Variants in ADAMTS19 observed in about 807,000 individuals in gnomAD.
The protein encoded by ADAMTS19 is ADAM metallopeptidase with thrombospondin type 1 motif 19, also known as A disintegrin and metalloproteinase with thrombospondin motifs 19.
ADAMTS19 carries 93 observed loss-of-function variants against 153.3 expected under a neutral mutation model. The ratio of observed to expected loss-of-function variants is 0.61; its 90% confidence interval spans 0.51 to 0.72. The LOEUF (loss-of-function observed/expected upper bound fraction) is 0.72. ADAMTS19 is among the 30% of genes least tolerant of loss of function. The pLI, the probability that ADAMTS19 is intolerant of heterozygous loss-of-function variation, is 0.00. For synonymous variants in ADAMTS19, 600 were observed against 556.6 expected (o/e 1.08, Z -1.10); for missense variants, 1,482 against 1,552.1 (o/e 0.95, Z 0.76).
At chr5:129,682,434 C>A (rs562656474) in intron 17 of ADAMTS19, among the ~76,000 whole-genome samples, 18 of 152,106 alleles carry the variant, frequency 1.2e-4, no homozygotes, top group Admixed American at 3.9e-4. Flanking sequence ...GGTTTTGTAG[C>A]CAATGTCTCT....
At position 129,643,963 on chromosome 5, in the gene ADAMTS19, A is replaced by G. The variant is rs574435264; in HGVS notation, c.1872+2003A>G. Among the ~76,000 whole-genome samples, 18 of 152,306 alleles carry G rather than the reference A, an allele frequency of 1.2e-4. No individual in the cohort carries two copies. The South Asian group carries it at 3.7e-3, about 32-fold the overall frequency. Reference sequence around the variant, plus strand: ...AACATACTGCGATGAGCCCTCAAACATCACATAGCTTGTTTGTCTTTAGTT... The same window carrying G: ...AACATACTGCGATGAGCCCTCAAACGTCACATAGCTTGTTTGTCTTTAGTT... On this transcript the variant is annotated intron_variant, in intron 11 of 22. Transcript: ENST00000274487.
chr5:129,706,406 C>A (rs966903741), intron 21 of ADAMTS19, among the ~76,000 whole-genome samples: 2 of 152,016 alleles, frequency 1.3e-5, no homozygotes, highest in African/African-American at 4.8e-5. Context: ...CCCGTCTCTA[C>A]TGAAAATACA....
intron 21 of ADAMTS19, among the ~76,000 whole-genome samples, chr5:129,722,687 T>C (rs1054911150): frequency 6.6e-6 from 1 of 152,224 alleles, no homozygotes; most frequent in African/African-American, 2.4e-5. Context: ...ATGTCCTGAA[T>C]GATATTGCCT....
rs77271574 is a variant in ADAMTS19 at position 129,711,258 on chromosome 5, A to G, written c.3312+6867A>G. On this transcript the variant is annotated intron_variant, in intron 21 of 22. Coordinates refer to ENST00000274487, the MANE Select transcript of ADAMTS19 (RefSeq NM_133638.6). ...AATAGAAAATGTTAAGTATCCACTG[A>G]AACTAGAGAATAAAATAAACACAAT... 6.7e-4 allele frequency among the ~76,000 whole-genome samples: 102 copies of G among 152,364 alleles called. 1 individual carries two copies. In the East Asian group the frequency reaches 0.018, roughly 27 times the overall value.
At chr5:129,719,696 TTAAAG>T (rs1756896190) in intron 21 of ADAMTS19, among the ~76,000 whole-genome samples, 2 of 152,168 alleles carry the variant, frequency 1.3e-5, no homozygotes, top group Non-Finnish European at 1.5e-5. Flanking sequence ...AACGATATGA[TTAAAG>T]TAAAATATCA....
intron 18 of ADAMTS19, among the ~76,000 whole-genome samples, chr5:129,685,570 T>C (rs945911666): frequency 4.6e-5 from 7 of 152,130 alleles, no homozygotes; most frequent in African/African-American, 9.7e-5. Flanking sequence ...AAGTCAATGG[T>C]TATCCTATAA....
intron 21 of ADAMTS19, among the ~76,000 whole-genome samples, chr5:129,723,842 G>C (rs1003587092): frequency 1.2e-4 from 18 of 152,190 alleles, no homozygotes; most frequent in African/African-American, 4.3e-4. Flanking sequence ...TTTGGGAAAC[G>C]TAAGACACCA....
intron 10 of ADAMTS19, among the ~76,000 whole-genome samples, chr5:129,631,947 C>A (rs1024414913): frequency 4.6e-5 from 7 of 151,916 alleles, no homozygotes; most frequent in Non-Finnish European, 1.0e-4. Flanking sequence ...TATTTGAATT[C>A]TCTTTAGGAT....
intron 21 of ADAMTS19, among the ~76,000 whole-genome samples, chr5:129,712,551 G>C (rs1756530648): frequency 6.6e-6 from 1 of 152,010 alleles, no homozygotes; most frequent in African/African-American, 2.4e-5. Context: ...AAATTGTTTT[G>C]TCTCTGTCTC....
At chr5:129,552,327 T>C (rs1191695892) in intron 7 of ADAMTS19, among the ~76,000 whole-genome samples, 1 of 151,876 alleles carries the variant, frequency 6.6e-6, no homozygotes, top group Non-Finnish European at 1.5e-5. Context: ...CTAGATTCAG[T>C]ATGATTCTTC....
intron 11 of ADAMTS19, among the ~76,000 whole-genome samples, chr5:129,645,683 C>A (rs1753027753): frequency 6.6e-6 from 1 of 152,008 alleles, no homozygotes; most frequent in Non-Finnish European, 1.5e-5. Context: ...TCAATGCCAG[C>A]TTGCTGCTAA....
At chr5:129,694,472 T>C (rs1755468542) in intron 18 of ADAMTS19, among the ~76,000 whole-genome samples, 4 of 152,048 alleles carry the variant, frequency 2.6e-5, no homozygotes, top group Admixed American at 2.6e-4. Flanking sequence ...GTTCCTAGCA[T>C]AAAGATAAAT....
chr5:129,553,082 T>C (rs1208574692), intron 7 of ADAMTS19, among the ~76,000 whole-genome samples: 3 of 152,236 alleles, frequency 2.0e-5, no homozygotes, highest in Admixed American at 6.6e-5. Flanking sequence ...TTATATCTGG[T>C]TTTTGTTACC....
intron 2 of ADAMTS19, among the ~76,000 whole-genome samples, chr5:129,474,279 C>T (rs1430856412): frequency 1.3e-5 from 2 of 151,852 alleles, no homozygotes; most frequent in African/African-American, 4.8e-5. Flanking sequence ...CCTGAAATAC[C>T]ACATTTTGTT....
chr5:129,722,223 G>C (rs1268256987), intron 21 of ADAMTS19, among the ~76,000 whole-genome samples: 1 of 152,180 alleles, frequency 6.6e-6, no homozygotes, highest in African/African-American at 2.4e-5. Context: ...CACCAGCAGT[G>C]TAAAAGTGTC....
chr5:129,680,779 A>AC (rs1754772502), intron 17 of ADAMTS19, among the ~76,000 whole-genome samples: 1 of 151,344 alleles, frequency 6.6e-6, no homozygotes, highest in African/African-American at 2.4e-5. Context: ...AAAAAAACAA[A>AC]AAAAAAAACT....
chr5:129,516,596 C>T (rs1223626721), intron 3 of ADAMTS19, among the ~76,000 whole-genome samples: 2 of 151,588 alleles, frequency 1.3e-5, no homozygotes, highest in Non-Finnish European at 3.0e-5. Context: ...AGTTGCTTAT[C>T]GTGGCTACTA....
chr5:129,737,361 A>G lies in ADAMTS19; in HGVS notation c.*143A>G, dbSNP rs1757714732. On this transcript the variant is annotated 3_prime_UTR_variant, in exon 23 of 23. Coordinates refer to ENST00000274487, the MANE Select transcript of ADAMTS19 (RefSeq NM_133638.6). ...TTATTTTTTTGCCTGCCAAACATCC[A>G]ATGTGGTGCTTGTTTTGGTTACACA... The G allele has an allele frequency of 1.2e-6, 1 of 844,244 alleles. No homozygotes were observed. The highest frequency in any genetic ancestry group is 3.8e-5 in the South Asian group (1 of 26,418). 52.3% of individuals were successfully genotyped at this position (844,244 alleles called of 1,614,324 possible).
At chr5:129,538,349 C>T (rs112488242) in intron 6 of ADAMTS19, among the ~76,000 whole-genome samples, 2 of 152,032 alleles carry the variant, frequency 1.3e-5, no homozygotes, top group African/African-American at 4.8e-5. Context: ...GGATCATAGT[C>T]TACATACAAG....
Sources: gnomAD v4.1 joint callset for allele counts (sites outside exome capture counted in the v4.1 genomes callset) on GRCh38, gnomAD v4.1.1 for gene constraint, MANE v1.5 for transcripts, NCBI Gene and HGNC (gene_info 2026-07-23, HGNC 2026-07-21) for gene names.